The following CACNA1A variants were observed in gnomAD, a reference collection of about 807,000 sequenced individuals.
The protein encoded by CACNA1A is voltage-dependent P/Q-type calcium channel subunit alpha-1A.
A neutral mutation model predicts 262.4 loss-of-function variants in CACNA1A; 57 were observed. The observed-to-expected ratio is 0.22, with a 90% CI of 0.18 to 0.27. The LOEUF (loss-of-function observed/expected upper bound fraction) is 0.27, where lower values mean the gene tolerates loss of function less well. CACNA1A is among the 10% of genes least tolerant of loss of function. The pLI is 1.00. For missense variants in CACNA1A, 2,526 were observed against 3,562.8 expected, an observed-to-expected ratio of 0.71 and a Z score of 7.41; for synonymous variants, 1,431 against 1,419.3, an observed-to-expected ratio of 1.01 and a Z score of -0.18.
At chr19:13,230,024 G>A in intron 36 of CACNA1A, 58 bp downstream of exon 36, 1 of 1,585,716 alleles carries the variant, frequency 6.3e-7, no homozygotes. Context: ...CCTAGCCCGT[G>A]TTCCAGTTCC....
At chr19:13,432,126 AT>A (rs1376886183) in intron 3 of CACNA1A, among the ~76,000 whole-genome samples, 46 of 144,084 alleles carry the variant, frequency 3.2e-4, no homozygotes, top group African/African-American at 9.3e-4. Context: ...AAAAAAAAAA[AT>A]TTTAGGCCAG....
chr19:13,383,955 C>G (rs550330385), intron 3 of CACNA1A, among the ~76,000 whole-genome samples: 1 of 152,286 alleles, frequency 6.6e-6, no homozygotes, highest in Admixed American at 6.5e-5. Flanking sequence ...GCTGGAACTA[C>G]AGGCATGCAT....
rs959539532 is a variant in CACNA1A at position 13,209,114 on chromosome 19, C to T, written c.6527-105G>A. The T allele has an allele frequency of 2.7e-6, 4 of 1,477,782 alleles. No homozygotes were observed. In the African/African-American group the frequency reaches 5.6e-5, roughly 21 times the overall value. The allele number at this position is 1,477,782 out of a possible 1,614,324, so 91.5% of individuals were successfully genotyped here. ...TGGAAGGTGTGGGGGCCCTAGAGAT[C>T]CCCTGAACCGAGGCAGGTCAGTGGG... is the stretch of plus-strand genomic sequence containing the variant. On this transcript the variant is annotated intron_variant, in intron 45 of 46. Coordinates refer to ENST00000360228, the MANE Select transcript of CACNA1A (RefSeq NM_001127222.2).
In CACNA1A at chr19:13,487,516, G is replaced by A. The variant is rs182617240; in HGVS notation, c.293+18416C>T. 2.7e-3 allele frequency among the ~76,000 whole-genome samples: 405 copies of A among 152,194 alleles called. 3 individuals are homozygous for A. Among genetic ancestry groups the A allele is most frequent in the Non-Finnish European group, 4.6e-3 (310 of 68,012 alleles). On this transcript the variant is annotated intron_variant, in intron 1 of 46. Coordinates refer to ENST00000360228, the MANE Select transcript of CACNA1A (RefSeq NM_001127222.2). Reference sequence around the variant, plus strand: ...GAGCGGGGAGAGACAGGGAGTGAGCGCTCAGTGAGTACGGGGTCTCCTTTT... The same window carrying A: ...GAGCGGGGAGAGACAGGGAGTGAGCACTCAGTGAGTACGGGGTCTCCTTTT...
chr19:13,477,511 AG>A (rs1221110632), intron 1 of CACNA1A, among the ~76,000 whole-genome samples: 1 of 152,192 alleles, frequency 6.6e-6, no homozygotes, highest in East Asian at 1.9e-4. Flanking sequence ...CATTTTATGG[AG>A]GAGGAAAACT....
At chr19:13,447,193 G>GA (rs911153704) in intron 3 of CACNA1A, among the ~76,000 whole-genome samples, 7 of 151,392 alleles carry the variant, frequency 4.6e-5, no homozygotes, top group African/African-American at 1.5e-4. Flanking sequence ...CTACAGACCA[G>GA]AAAAAAAAAT....
At chr19:13,357,117 A>T (rs1322454229) in intron 6 of CACNA1A, among the ~76,000 whole-genome samples, 1 of 152,182 alleles carries the variant, frequency 6.6e-6, no homozygotes, top group Non-Finnish European at 1.5e-5. Flanking sequence ...ACTCCCAACT[A>T]AAACGGGCCT....
At chr19:13,307,970 C>A (rs572147219) in intron 14 of CACNA1A, 116 bp from the exon 15 acceptor site, 2 of 1,385,838 alleles carry the variant, frequency 1.4e-6, no homozygotes, top group African/African-American at 1.4e-5. Flanking sequence ...CCCCAGGAAA[C>A]CCTGAGTGGT....
At chr19:13,425,458 A>G (rs1265462597) in intron 3 of CACNA1A, among the ~76,000 whole-genome samples, 1 of 152,212 alleles carries the variant, frequency 6.6e-6, no homozygotes, top group Non-Finnish European at 1.5e-5. Flanking sequence ...ATGGGGCCCC[A>G]ATAGGCTATC....
chr19:13,441,619 G>A (rs1462365905), intron 3 of CACNA1A, among the ~76,000 whole-genome samples: 6 of 149,936 alleles, frequency 4.0e-5, no homozygotes, highest in Non-Finnish European at 7.4e-5. Flanking sequence ...AGCCAAGATC[G>A]CGCCACTGCA....
intron 6 of CACNA1A, among the ~76,000 whole-genome samples, chr19:13,352,763 A>G (rs535441186): frequency 1.2e-4 from 18 of 152,134 alleles, no homozygotes; most frequent in Admixed American, 1.1e-3. Flanking sequence ...GCTGACCTAG[A>G]CTAGGGAACC....
chr19:13,249,237 G>C (rs1056004102), intron 30 of CACNA1A, among the ~76,000 whole-genome samples: 4 of 152,198 alleles, frequency 2.6e-5, no homozygotes, highest in Non-Finnish European at 4.4e-5. Flanking sequence ...CCAAAGTGCT[G>C]GGACTACAGG....
intron 1 of CACNA1A, among the ~76,000 whole-genome samples, chr19:13,486,690 C>T (rs1980040638): frequency 1.2e-5 from 1 of 80,390 alleles, no homozygotes; most frequent in Non-Finnish European, 2.4e-5. Context: ...TCTCTTCTTT[C>T]TGTCTCTCTT....
Position 13,253,004 on chromosome 19 carries a change from G to A in CACNA1A, c.4853C>T (p.Ala1618Val). ...GGTGGTACTTACCAGAATCCCAAAA[G>A]CCATGACTTTCAGCACACATTCCAG... ...FSLECVLKVMAFGILNYFRDA... is the reference protein window; with the variant it reads ...FSLECVLKVMVFGILNYFRDA... The change falls in exon 30 of 47, where the codon GCT (alanine) becomes GTT (valine). Residue 1618 changes from alanine to valine, a missense_variant. This residue lies in a region of CACNA1A where 66 missense variants were observed against 195.8 expected (regional missense o/e 0.34). Coordinates refer to ENST00000360228, the MANE Select transcript of CACNA1A (RefSeq NM_001127222.2). 1 of 1,611,368 alleles carries A rather than the reference G, an allele frequency of 6.2e-7. No homozygotes were observed. Among genetic ancestry groups the A allele is most frequent in the Middle Eastern group, 1.7e-4 (1 of 6,056 alleles).
At chr19:13,320,670 G>A (rs1046764902) in intron 10 of CACNA1A, among the ~76,000 whole-genome samples, 14 of 151,970 alleles carry the variant, frequency 9.2e-5, no homozygotes, top group African/African-American at 3.1e-4. Flanking sequence ...CCCCATGCTA[G>A]GCACTGTCAC....
chr19:13,371,958 C>T (rs138842042), intron 3 of CACNA1A, among the ~76,000 whole-genome samples, 179 bp from the exon 4 acceptor site: 2 of 152,060 alleles, frequency 1.3e-5, no homozygotes, highest in African/African-American at 2.4e-5. Context: ...ACCTGCCTCA[C>T]GGGATAAAAG....
intron 1 of CACNA1A, among the ~76,000 whole-genome samples, chr19:13,497,233 T>C (rs1981639721): frequency 6.6e-6 from 1 of 151,790 alleles, no homozygotes; most frequent in South Asian, 2.1e-4. Flanking sequence ...TGCTGATGAA[T>C]CTCAGCTGAT....
At chr19:13,334,547 G>A (rs929794441) in intron 7 of CACNA1A, 54 bp from the exon 8 acceptor site, 15 of 739,918 alleles carry the variant, frequency 2.0e-5, no homozygotes, top group Middle Eastern at 2.8e-4. Flanking sequence ...GTTAGGAAAC[G>A]TTTGTGTGTG....
In CACNA1A at chr19:13,286,752, C is replaced by G; in HGVS notation, c.3304G>C (p.Asp1102His). The change falls in exon 20 of 47, where the codon GAC (aspartate) becomes CAC (histidine). Residue 1102 changes from aspartate to histidine, a missense_variant. Asp to His is a moderately conservative substitution (Grantham distance 81, BLOSUM62 -1). Transcript: ENST00000360228. ...QSPAKMGNST[D>H]PGPMLAIPAM... ...GGGATGGCCAGCATGGGGCCGGGGT[C>G]GGTGCTGTTTCCCATCTTGGCTGGG... 1 of 1,608,514 alleles carries G rather than the reference C, an allele frequency of 6.2e-7. No individual in the cohort carries two copies. The highest frequency in any genetic ancestry group is 8.5e-7 in the Non-Finnish European group (1 of 1,177,758).
Sources: gnomAD v4.1 joint callset for allele counts (sites outside exome capture counted in the v4.1 genomes callset) on GRCh38, gnomAD v4.1.1 for gene constraint, gnomAD v4.1.1 regional missense constraint, MANE v1.5 for transcripts, NCBI Gene and HGNC (gene_info 2026-07-23, HGNC 2026-07-21) for gene names.